Variants in NRG3 observed in about 807,000 individuals in gnomAD.
The protein encoded by NRG3 is pro-neuregulin-3, membrane-bound isoform.
Under a neutral mutation model 66.9 loss-of-function variants are expected in NRG3, and 31 were observed. The ratio of observed to expected loss-of-function variants is 0.46; its 90% CI spans 0.35 to 0.63. NRG3 has a LOEUF of 0.63. NRG3 is among the 20% of genes least tolerant of loss of function. NRG3 has a pLI of 0.00. For missense variants in NRG3, 910 were observed against 878.9 expected, an observed-to-expected ratio of 1.04 and a Z score of -0.45; for synonymous variants, 393 against 359.4, an observed-to-expected ratio of 1.09 and a Z score of -1.06.
chr10:82,373,597 A>G (rs751433754), intron 2 of NRG3, among the ~76,000 whole-genome samples: 19 of 152,248 alleles, frequency 1.2e-4, no homozygotes, highest in Admixed American at 6.5e-4. Flanking sequence ...ATTCTGCAGC[A>G]GTTATGAAAT....
intron 2 of NRG3, among the ~76,000 whole-genome samples, chr10:82,471,799 G>C (rs747547474): frequency 6.6e-6 from 1 of 151,414 alleles, no homozygotes; most frequent in Non-Finnish European, 1.5e-5. Context: ...TGAGGCAGGA[G>C]AATCACTTGA....
chr10:82,890,039 A>C (rs1276689491), intron 4 of NRG3, among the ~76,000 whole-genome samples: 1 of 152,112 alleles, frequency 6.6e-6, no homozygotes, highest in Non-Finnish European at 1.5e-5. Context: ...CAATACTCTA[A>C]GTGAATTTAA....
intron 3 of NRG3, among the ~76,000 whole-genome samples, chr10:82,742,039 G>A (rs564396113): frequency 2.2e-4 from 34 of 152,106 alleles, no homozygotes; most frequent in African/African-American, 7.9e-4. Flanking sequence ...CAGGAAATAA[G>A]CTTCCACTCA....
At chr10:82,324,647 T>C (rs528738562) in intron 1 of NRG3, among the ~76,000 whole-genome samples, 1 of 152,360 alleles carries the variant, frequency 6.6e-6, no homozygotes, top group East Asian at 1.9e-4. Flanking sequence ...TACTTTCTAA[T>C]TACTTTTATA....
chr10:82,353,142 G>C (rs2083538856), intron 1 of NRG3, among the ~76,000 whole-genome samples: 1 of 152,154 alleles, frequency 6.6e-6, no homozygotes, highest in Admixed American at 6.5e-5. Context: ...CTGAGACTGG[G>C]AGTGCTAAAG....
intron 1 of NRG3, among the ~76,000 whole-genome samples, chr10:81,952,851 T>C (rs962785795): frequency 6.6e-6 from 1 of 152,092 alleles, no homozygotes; most frequent in Non-Finnish European, 1.5e-5. Flanking sequence ...TCTCAAGTGA[T>C]CCTCCTGACT....
chr10:82,814,082 C>T (rs369262095), intron 3 of NRG3, among the ~76,000 whole-genome samples: 1 of 152,210 alleles, frequency 6.6e-6, no homozygotes, highest in Admixed American at 6.5e-5. Flanking sequence ...TCTTTGCAGG[C>T]TTTATCAGGA....
rs1318095947 is a variant in NRG3 at position 82,132,516 on chromosome 10, G to GATATAT, written c.824-226220_824-226215dup. ...TGATATATATATATCATATATATAT[G>GATATAT]ATATATATGATATATATATGATATA... On this transcript the variant is annotated intron_variant, in intron 1 of 8. Transcript: ENST00000372141. 8.4e-4 allele frequency among the ~76,000 whole-genome samples: 10 copies of GATATAT among 11,840 alleles called. 1 individual carries two copies. The highest frequency in any genetic ancestry group is 3.4e-3 in the East Asian group (3 of 874). 7.8% of individuals were successfully genotyped at this position (11,840 alleles called of 152,430 possible). A position where few individuals can be genotyped will look rare whatever the true frequency, so the allele number is the denominator to read the frequency against.
intron 1 of NRG3, among the ~76,000 whole-genome samples, chr10:82,226,946 G>A (rs1166001130): frequency 6.6e-6 from 1 of 152,154 alleles, no homozygotes; most frequent in African/African-American, 2.4e-5. Context: ...TGACAAATGT[G>A]GAGCCAAGTC....
intron 1 of NRG3, among the ~76,000 whole-genome samples, chr10:81,994,489 C>T (rs1056661175): frequency 2.6e-5 from 4 of 152,042 alleles, no homozygotes; most frequent in African/African-American, 9.6e-5. Flanking sequence ...CTTTCTAGTA[C>T]TTGAGATTTT....
intron 2 of NRG3, among the ~76,000 whole-genome samples, chr10:82,455,903 C>CCACG (rs1312455321): frequency 1.3e-5 from 2 of 152,014 alleles, no homozygotes; most frequent in Non-Finnish European, 2.9e-5. Context: ...CAGGCGTGAG[C>CCACG]CACGGCACCT....
At chr10:82,208,489 A>C (rs2075238247) in intron 1 of NRG3, among the ~76,000 whole-genome samples, 1 of 152,126 alleles carries the variant, frequency 6.6e-6, no homozygotes, top group Non-Finnish European at 1.5e-5. Context: ...CATATGTTTT[A>C]CCACCTTGCT....
chr10:81,977,622 C>G (rs1040713056), intron 1 of NRG3, among the ~76,000 whole-genome samples: 5 of 152,106 alleles, frequency 3.3e-5, no homozygotes, highest in African/African-American at 1.2e-4. Flanking sequence ...CCAAAATACT[C>G]TTTGTCATTA....
At chr10:81,925,499 G>C (rs1336278658) in intron 1 of NRG3, among the ~76,000 whole-genome samples, 1 of 152,146 alleles carries the variant, frequency 6.6e-6, no homozygotes, top group Non-Finnish European at 1.5e-5. Flanking sequence ...TCATACTCCA[G>C]GGAAATTTGT....
rs1056772724 is a variant in NRG3, at chr10:82,897,379, A to G, written c.1054+31942A>G. On this transcript the variant is annotated intron_variant, in intron 4 of 8. Transcript: ENST00000372141. Reference sequence around the variant, plus strand: ...GATGAAAGGTAAAATACATTGTTCCATCACTGAATTCACAGTAACATGCAA... The same window carrying G: ...GATGAAAGGTAAAATACATTGTTCCGTCACTGAATTCACAGTAACATGCAA... Among the ~76,000 whole-genome samples, 7 of 152,232 alleles carry G rather than the reference A, an allele frequency of 4.6e-5. No homozygotes were observed. In the East Asian group the frequency reaches 7.7e-4, roughly 17 times the overall value.
chr10:82,461,550 C>T lies in NRG3; in HGVS notation c.953+102682C>T, dbSNP rs928151062. 3.9e-5 allele frequency among the ~76,000 whole-genome samples: 6 copies of T among 152,306 alleles called. No individual in the cohort carries two copies. The East Asian group carries it at 7.7e-4, about 20-fold the overall frequency. ...GGATTGAATCCTATAAAATACAGCTCATGTAGATTTATCCATTTGAAATTG... is the reference window on the plus strand; with the variant it reads ...GGATTGAATCCTATAAAATACAGCTTATGTAGATTTATCCATTTGAAATTG... On this transcript the variant is annotated intron_variant, in intron 2 of 8. Transcript: ENST00000372141.
intron 1 of NRG3, among the ~76,000 whole-genome samples, chr10:82,337,988 G>C (rs150645779): frequency 6.6e-6 from 1 of 152,224 alleles, no homozygotes; most frequent in African/African-American, 2.4e-5. Flanking sequence ...AATAAGATCC[G>C]CACGCCTTCC....
At chr10:82,058,339 T>C (rs2063958392) in intron 1 of NRG3, among the ~76,000 whole-genome samples, 1 of 152,042 alleles carries the variant, frequency 6.6e-6, no homozygotes, top group Non-Finnish European at 1.5e-5. Context: ...TATATTGATC[T>C]TTCCTTTTAA....
In NRG3 at chr10:82,642,436, G is replaced by A. The variant is rs185967286; in HGVS notation, c.954-96141G>A. Among the ~76,000 whole-genome samples the A allele has an allele frequency of 1.3e-4, 20 of 152,020 alleles. 1 individual carries two copies. The South Asian group carries it at 2.7e-3, about 21-fold the overall frequency. On this transcript the variant is annotated intron_variant, in intron 2 of 8. Transcript: ENST00000372141. ...ACAACTAAATAGCATATACTTCCTG[G>A]TGAAATAATGCACACCACTCATGAA...
Sources: gnomAD v4.1 joint callset for allele counts (sites outside exome capture counted in the v4.1 genomes callset) on GRCh38, gnomAD v4.1.1 for gene constraint, MANE v1.5 for transcripts, NCBI Gene and HGNC (gene_info 2026-07-23, HGNC 2026-07-21) for gene names.